The following F10 variants were observed in gnomAD, a reference collection of about 807,000 sequenced individuals.
F10 encodes the protein coagulation factor X.
Under a neutral mutation model 37.1 loss-of-function variants are expected in F10, and 29 were observed. The ratio of observed to expected loss-of-function variants is 0.78; its 90% CI spans 0.58 to 1.07. F10 has a LOEUF of 1.07. F10 is among the 50% of genes least tolerant of loss of function. The pLI is 0.00. For missense variants in F10, 539 were observed against 667.9 expected, an observed-to-expected ratio of 0.81 and a Z score of 2.13; for synonymous variants, 262 against 268.6, an observed-to-expected ratio of 0.98 and a Z score of 0.24.
chr13:113,132,031 C>T (rs1039988555), intron 2 of F10: 7 of 152,246 alleles, frequency 4.6e-5, no homozygotes, highest in African/African-American at 7.2e-5. Context: ...CAATGGAAAG[C>T]GCAACATTGA....
chr13:113,144,156 G>C lies in F10; in HGVS notation c.747+61G>C. The C allele has an allele frequency of 6.2e-7, 1 of 1,608,612 alleles. No homozygotes were observed. Among genetic ancestry groups the C allele is most frequent in the Non-Finnish European group, 8.5e-7 (1 of 1,179,070 alleles). On this transcript the variant is annotated intron_variant, in intron 6 of 7. Coordinates refer to ENST00000375559, the MANE Select transcript of F10 (RefSeq NM_000504.4). This position sits in a 1 kb window ranked among gnomAD's most constrained non-coding sequence, Gnocchi z 6.4. ...GACCACCTGTCCCGCTGTGCACCTC[G>C]GGGAGGCCAGCCTGACACTTGGAAT...
In F10 at chr13:113,143,283, G is replaced by A. The variant is rs143663869; in HGVS notation, c.503-568G>A. Among the ~76,000 whole-genome samples, 235 of 152,178 alleles carry A rather than the reference G, an allele frequency of 1.5e-3. No individual in the cohort carries two copies. Among genetic ancestry groups the A allele is most frequent in the African/African-American group, 4.9e-3 (203 of 41,522 alleles). On this transcript the variant is annotated intron_variant, in intron 5 of 7. Coordinates refer to ENST00000375559, the MANE Select transcript of F10 (RefSeq NM_000504.4). The surrounding 1 kb of genome is among the most constrained non-coding windows in gnomAD (Gnocchi z 6.8). ...AAAGGAAGCTTCCTAACATCTCGGC[G>A]TGGCCTCTCTGGGAGCTGTGCTATT...
rs1487643404 is a variant in F10 at position 113,139,285 on chromosome 13, A to G, written c.257-72A>G. 4 of 1,257,966 alleles carry G rather than the reference A, an allele frequency of 3.2e-6. No homozygotes were observed. The highest frequency in any genetic ancestry group is 1.8e-5 in the Admixed American group (1 of 56,572). 77.9% of individuals were successfully genotyped at this position (1,257,966 alleles called of 1,614,324 possible). A position where few individuals can be genotyped will look rare whatever the true frequency, so the allele number is the denominator to read the frequency against. Reference sequence around the variant, plus strand: ...TTATCTGAACGGCAGGGCCAAGGTTAGCACAGCAAAACTGTTTCCATGATG... The same window carrying G: ...TTATCTGAACGGCAGGGCCAAGGTTGGCACAGCAAAACTGTTTCCATGATG... On this transcript the variant is annotated intron_variant, in intron 3 of 7. Transcript: ENST00000375559. The surrounding 1 kb of genome is among the most constrained non-coding windows in gnomAD (Gnocchi z 5.2).
At position 113,139,510 on chromosome 13, in the gene F10, C is replaced by A; in HGVS notation, c.370+40C>A. On this transcript the variant is annotated intron_variant, in intron 4 of 7. Coordinates refer to ENST00000375559, the MANE Select transcript of F10 (RefSeq NM_000504.4). The surrounding 1 kb of genome is among the most constrained non-coding windows in gnomAD (Gnocchi z 5.2). ...TTGGTATACCTTCAGATCAGATGCCCCTGAAGAGTGGCAGGTGGGCGGGGG... is the reference window on the plus strand; with the variant it reads ...TTGGTATACCTTCAGATCAGATGCCACTGAAGAGTGGCAGGTGGGCGGGGG... The A allele has an allele frequency of 6.8e-7, 1 of 1,472,766 alleles. No individual in the cohort carries two copies. Among genetic ancestry groups the A allele is most frequent in the Non-Finnish European group, 9.5e-7 (1 of 1,051,862 alleles). 91.2% of individuals were successfully genotyped at this position (1,472,766 alleles called of 1,614,324 possible).
rs933176967 is a variant in F10 at position 113,141,839 on chromosome 13, C to T, written c.502+789C>T. 2.6e-5 allele frequency among the ~76,000 whole-genome samples: 4 copies of T among 152,238 alleles called. No individual in the cohort carries two copies. The highest frequency in any genetic ancestry group is 9.6e-5 in the African/African-American group (4 of 41,460). On this transcript the variant is annotated intron_variant, in intron 5 of 7. Coordinates refer to ENST00000375559, the MANE Select transcript of F10 (RefSeq NM_000504.4). This position sits in a 1 kb window ranked among gnomAD's most constrained non-coding sequence, Gnocchi z 5.4. ...CTCACCCGGGGGCATATTCGAAGGG[C>T]AGAGTTCCAGGCCCGCCTTTTCAAG...
chr13:113,148,068 G>A (rs1390000511), intron 7 of F10, among the ~76,000 whole-genome samples: 1 of 152,076 alleles, frequency 6.6e-6, no homozygotes, highest in Non-Finnish European at 1.5e-5. Context: ...GGTGGCTCAT[G>A]CCTGTAATCC....
intron 7 of F10, 113 bp from the exon 8 acceptor site, chr13:113,148,803 G>A: frequency 6.7e-7 from 1 of 1,499,718 alleles, no homozygotes; most frequent in Non-Finnish European, 8.9e-7. Flanking sequence ...TTTCAAAAGT[G>A]ATCACGTGCC....
At chr13:113,129,645 G>T (rs772877114) in intron 2 of F10, 33 bp downstream of exon 2, 1 of 1,613,346 alleles carries the variant, frequency 6.2e-7, no homozygotes, top group African/African-American at 1.3e-5. Context: ...CTGTTGGTAA[G>T]GAGCTCAGGC....
intron 5 of F10, among the ~76,000 whole-genome samples, chr13:113,142,282 C>A (rs1323248984): frequency 1.3e-5 from 2 of 152,090 alleles, no homozygotes; most frequent in Non-Finnish European, 2.9e-5. Context: ...TAGCTCATGC[C>A]TGTAATCCCA....
In F10 at chr13:113,149,458, G is replaced by C. The variant is rs200826349; in HGVS notation, c.1408G>C (p.Gly470Arg). 3 of 1,613,274 alleles carry C rather than the reference G, an allele frequency of 1.9e-6. No individual in the cohort carries two copies. Among genetic ancestry groups the C allele is most frequent in the Non-Finnish European group, 2.5e-6 (3 of 1,180,022 alleles). Residue 470 changes from glycine to arginine, a missense_variant, in exon 8 of 8, where the codon GGC becomes CGC. Physicochemically the swap from Gly to Arg is moderately radical, Grantham distance 125. This residue lies in a region of F10 where 409 missense variants were observed against 547.9 expected (regional missense o/e 0.75). Transcript: ENST00000375559. This position sits in a 1 kb window ranked among gnomAD's most constrained non-coding sequence, Gnocchi z 7.5. ...KWIDRSMKTRGLPKAKSHAPE... is the reference protein window; with the variant it reads ...KWIDRSMKTRRLPKAKSHAPE... Reference sequence around the variant, plus strand: ...GATCGACAGGTCCATGAAAACCAGGGGCTTGCCCAAGGCCAAGAGCCATGC... The same window carrying C: ...GATCGACAGGTCCATGAAAACCAGGCGCTTGCCCAAGGCCAAGAGCCATGC...
At chr13:113,127,429 A>G (rs1190563488) in intron 1 of F10, among the ~76,000 whole-genome samples, 1 of 152,174 alleles carries the variant, frequency 6.6e-6, no homozygotes, top group Non-Finnish European at 1.5e-5. Context: ...CAGTGGAAAA[A>G]AAGCACAGAA....
Position 113,143,700 on chromosome 13 carries a change from C to CTCCTTACGTGTAGATCTCG in F10, c.503-151_503-150insTCCTTACGTGTAGATCTCG. 1.7e-6 allele frequency: 2 copies of CTCCTTACGTGTAGATCTCG among 1,143,900 alleles called. No individual in the cohort carries two copies. Among genetic ancestry groups the CTCCTTACGTGTAGATCTCG allele is most frequent in the Non-Finnish European group, 2.4e-6 (2 of 828,658 alleles). The allele number at this position is 1,143,900 out of a possible 1,614,324, so 70.9% of individuals were successfully genotyped here. On this transcript the variant is annotated intron_variant, in intron 5 of 7. Coordinates refer to ENST00000375559, the MANE Select transcript of F10 (RefSeq NM_000504.4). This position sits in a 1 kb window ranked among gnomAD's most constrained non-coding sequence, Gnocchi z 6.8. The stretch of plus-strand genomic sequence containing the variant: ...CTGCAGATCCGACCCCTGCCGACGA[C>CTCCTTACGTGTAGATCTCG]GTGGGGCCTCGCCCTGCAAGCCCGC...
chr13:113,130,986 C>T (rs1339002950), intron 2 of F10: 1 of 152,276 alleles, frequency 6.6e-6, no homozygotes, highest in Non-Finnish European at 1.5e-5. Flanking sequence ...TTACTTTAGC[C>T]TCAAAGGCAA....
intron 2 of F10, chr13:113,129,999 G>C: frequency 2.9e-6 from 1 of 340,590 alleles, no homozygotes; most frequent in Non-Finnish European, 5.7e-6. Flanking sequence ...CGCAGCCCGC[G>C]TCCTGCCTTG....
intron 6 of F10, among the ~76,000 whole-genome samples, chr13:113,145,036 G>A (rs1386120907): frequency 9.2e-5 from 14 of 152,034 alleles, no homozygotes; most frequent in African/African-American, 1.4e-4. Flanking sequence ...CTGCCACCAC[G>A]CCCAGCTAAT....
intron 5 of F10, among the ~76,000 whole-genome samples, chr13:113,142,230 C>G (rs1004097958): frequency 6.6e-6 from 1 of 152,152 alleles, no homozygotes. Context: ...ATTCTAGAAA[C>G]AATCACAAAT....
At chr13:113,128,788 G>C (rs1005501943) in intron 1 of F10, 5 of 152,022 alleles carry the variant, frequency 3.3e-5, no homozygotes, top group African/African-American at 1.2e-4. Flanking sequence ...TCCTGAGGCA[G>C]GACAATGGCT....
At chr13:113,127,446 T>G (rs2036380899) in intron 1 of F10, among the ~76,000 whole-genome samples, 1 of 152,058 alleles carries the variant, frequency 6.6e-6, no homozygotes, top group Non-Finnish European at 1.5e-5. Context: ...AGAAAAAGAC[T>G]ACAGAGGGCC....
intron 2 of F10, among the ~76,000 whole-genome samples, chr13:113,133,214 G>A (rs927774827): frequency 1.3e-5 from 2 of 151,226 alleles, no homozygotes; most frequent in Non-Finnish European, 3.0e-5. Context: ...TAAACCAAAA[G>A]GAAATTGAAA....
Sources: allele counts gnomAD v4.1 joint callset (sites outside exome capture counted in the v4.1 genomes callset), GRCh38; gene constraint gnomAD v4.1.1; regional missense constraint gnomAD v4.1.1; non-coding constraint Gnocchi (gnomAD v3.1); transcripts MANE v1.5; gene names NCBI Gene and HGNC (gene_info 2026-07-23, HGNC 2026-07-21).